TCP1: variants seen among roughly 807,000 people sequenced by gnomAD.
TCP1 encodes the protein t-complex 1.
Under a neutral mutation model 54.7 loss-of-function variants are expected in TCP1, and 6 were observed. The ratio of observed to expected loss-of-function variants is 0.11; its 90% CI spans 0.06 to 0.22. The LOEUF is 0.22. Among genes scored for constraint, TCP1 ranks in the 10% least tolerant of loss-of-function variants. The pLI, the probability that TCP1 is intolerant of heterozygous loss-of-function variation, is 1.00. For missense variants in TCP1, 511 were observed against 678.2 expected (o/e 0.75, Z 2.74); for synonymous variants, 225 against 229.7 (o/e 0.98, Z 0.19).
chr6:159,779,295 T>G, intron 11 of TCP1, 34 bp from the exon 12 acceptor site: 11 of 1,549,858 alleles, frequency 7.1e-6, no homozygotes, highest in South Asian at 1.1e-5. Flanking sequence ...AACGGCCGCT[T>G]ACAATTTCAT....
At position 159,779,734 on chromosome 6, in the gene TCP1, G is replaced by A. The variant is rs749170836; in HGVS notation, c.1347C>T (p.Pro449=). The change falls in exon 11 of 12, where the codon CCC becomes CCT. Residue 449 remains proline, a synonymous_variant. Transcript: ENST00000321394. ...GGGCAGCATTAACTGCTAGTGTATT[G>A]GGAATAACAAGAAGTGATCTTGCAA... The part of the protein sequence containing the change: ...AEFARSLLVI[P]NTLAVNAAQD... 1 of 1,612,250 alleles carries A rather than the reference G, an allele frequency of 6.2e-7. No individual in the cohort carries two copies. The highest frequency in any genetic ancestry group is 2.2e-5 in the East Asian group (1 of 44,874).
In TCP1 at chr6:159,779,279, T is replaced by C. The variant is rs1780512631; in HGVS notation, c.1455-18A>G. On this transcript the variant is annotated intron_variant, in intron 11 of 11. Coordinates refer to ENST00000321394, the MANE Select transcript of TCP1 (RefSeq NM_030752.3). Reference sequence around the variant, plus strand: ...GACCAATCCTGCAATTAAGAAAGAATTATTTAACGGCCGCTTACAATTTCA... The same window carrying C: ...GACCAATCCTGCAATTAAGAAAGAACTATTTAACGGCCGCTTACAATTTCA... 1 of 1,603,634 alleles carries C rather than the reference T, an allele frequency of 6.2e-7. No homozygotes were observed. The highest frequency in any genetic ancestry group is 2.2e-5 in the East Asian group (1 of 44,794).
In TCP1 at chr6:159,778,574, T is replaced by G; in HGVS notation, c.*471A>C. ...TGAGTTTGAAAGGGTAGCATGCTGATACATTAAGAGGAAAAAGACAAGTTT... is the reference window on the plus strand; with the variant it reads ...TGAGTTTGAAAGGGTAGCATGCTGAGACATTAAGAGGAAAAAGACAAGTTT... On this transcript the variant is annotated 3_prime_UTR_variant, in exon 12 of 12. Coordinates refer to ENST00000321394, the MANE Select transcript of TCP1 (RefSeq NM_030752.3). 7.0e-7 allele frequency: 1 copy of G among 1,438,084 alleles called. No homozygotes were observed. Among genetic ancestry groups the G allele is most frequent in the Non-Finnish European group, 9.6e-7 (1 of 1,047,102 alleles). 89.1% of individuals were successfully genotyped at this position (1,438,084 alleles called of 1,614,324 possible). A position where few individuals can be genotyped will look rare whatever the true frequency, so the allele number is the denominator to read the frequency against.
chr6:159,780,285 T>A, intron 9 of TCP1, 158 bp downstream of exon 9: 1 of 1,265,532 alleles, frequency 7.9e-7, no homozygotes, highest in Non-Finnish European at 1.1e-6. Flanking sequence ...TGAAAATGGT[T>A]ACTTCATCTC....
intron 7 of TCP1, among the ~76,000 whole-genome samples, chr6:159,782,208 A>G (rs1010513669): frequency 1.4e-4 from 22 of 152,362 alleles, no homozygotes; most frequent in Admixed American, 5.2e-4. Context: ...TGGGAGATCC[A>G]GATTTGAAGA....
In TCP1 at chr6:159,779,140, G is replaced by T. The variant is rs1173307221; in HGVS notation, c.1576C>A (p.Arg526=). The T allele has an allele frequency of 6.2e-7, 1 of 1,613,574 alleles. No homozygotes were observed. Among genetic ancestry groups the T allele is most frequent in the African/African-American group, 1.3e-5 (1 of 74,884 alleles). The change falls in exon 12 of 12, where the codon CGA becomes AGA. Residue 526 remains arginine, a synonymous_variant. Coordinates refer to ENST00000321394, the MANE Select transcript of TCP1 (RefSeq NM_030752.3). ...TGTAATTTAATAAGATCATCAATTC[G>T]AAGAATGGTGATTGCAGCTTCTGTT... ...FATEAAITIL[R]IDDLIKLHPE...
At chr6:159,780,837 T>G (rs1780558863) in intron 8 of TCP1, 98 bp downstream of exon 8, 1 of 1,404,520 alleles carries the variant, frequency 7.1e-7, no homozygotes, top group Non-Finnish European at 9.6e-7. Flanking sequence ...ATATAAATGT[T>G]TTTGAGCTGT....
In TCP1 at chr6:159,789,429, C is replaced by G; in HGVS notation, c.40G>C (p.Gly14Arg). The change falls in exon 1 of 12, where the codon GGG (glycine) becomes CGG (arginine). Residue 14 changes from glycine to arginine, a missense_variant. Around this residue, in one of 5 missense-constraint regions of TCP1, gnomAD observed 35 missense variants for 32.7 expected, o/e 1.07. Coordinates refer to ENST00000321394, the MANE Select transcript of TCP1 (RefSeq NM_030752.3). The part of the protein sequence containing the change: ...PLSVFGDRST[G>R]ETIRSQNVMA... The stretch of plus-strand genomic sequence containing the variant: ...CCGTTTTGGGAGCGGATCGTTTCCC[C>G]AGTGCTGCGGTCACCGAACACGGAC... The G allele has an allele frequency of 6.2e-7, 1 of 1,613,904 alleles. No homozygotes were observed. Among genetic ancestry groups the G allele is most frequent in the Non-Finnish European group, 8.5e-7 (1 of 1,179,872 alleles).
Position 159,778,695 on chromosome 6 carries a change from C to T in TCP1, c.*350G>A. ...AGGAGGGGCTATAGCCTTGGGCCACCCTCTTGGAGCATCTGGCTGTCGAAT... is the reference window on the plus strand; with the variant it reads ...AGGAGGGGCTATAGCCTTGGGCCACTCTCTTGGAGCATCTGGCTGTCGAAT... On this transcript the variant is annotated 3_prime_UTR_variant, in exon 12 of 12. Coordinates refer to ENST00000321394, the MANE Select transcript of TCP1 (RefSeq NM_030752.3). 1 of 1,614,210 alleles carries T rather than the reference C, an allele frequency of 6.2e-7. No individual in the cohort carries two copies. The highest frequency in any genetic ancestry group is 8.5e-7 in the Non-Finnish European group (1 of 1,180,038).
At chr6:159,779,415 G>C (rs868171219) in intron 11 of TCP1, among the ~76,000 whole-genome samples, 154 bp from the exon 12 acceptor site, 1 of 152,164 alleles carries the variant, frequency 6.6e-6, no homozygotes, top group African/African-American at 2.4e-5. Flanking sequence ...GGAGAGATTA[G>C]CAATCACAGT....
At chr6:159,783,230 T>C (rs1038888664) in intron 7 of TCP1, among the ~76,000 whole-genome samples, 1 of 152,100 alleles carries the variant, frequency 6.6e-6, no homozygotes, top group African/African-American at 2.4e-5. Flanking sequence ...ACACTTACTG[T>C]AGAGGGACTG....
intron 3 of TCP1, 103 bp downstream of exon 3, chr6:159,787,640 G>T (rs1780730460): frequency 7.1e-7 from 1 of 1,398,844 alleles, no homozygotes; most frequent in Non-Finnish European, 9.7e-7. Context: ...TTCAGAATAT[G>T]TAACTTATTT....
At chr6:159,785,028 A>G (rs1780660118) in intron 5 of TCP1, 181 bp from the exon 6 acceptor site, 3 of 669,796 alleles carry the variant, frequency 4.5e-6, no homozygotes, top group Non-Finnish European at 5.2e-6. Context: ...ACTTTTAGAC[A>G]TGCTTTTTAT....
chr6:159,778,905 G>A lies in TCP1; in HGVS notation c.*140C>T, dbSNP rs1338877782. 3.1e-6 allele frequency: 5 copies of A among 1,594,026 alleles called. No individual in the cohort carries two copies. The Admixed American group carries it at 6.8e-5, about 22-fold the overall frequency. ...TAGGTTGCAATATGTGAAATCAGAG[G>A]ACCAAAGTACAGATGGAAACCATTT... On this transcript the variant is annotated 3_prime_UTR_variant, in exon 12 of 12. Coordinates refer to ENST00000321394, the MANE Select transcript of TCP1 (RefSeq NM_030752.3).
intron 3 of TCP1, among the ~76,000 whole-genome samples, chr6:159,787,371 G>C (rs1780724569): frequency 6.6e-6 from 1 of 152,116 alleles, no homozygotes; most frequent in Non-Finnish European, 1.5e-5. Flanking sequence ...CAAGACTTTT[G>C]AGAGACCATA....
chr6:159,782,789 G>C (rs1367136105), intron 7 of TCP1, among the ~76,000 whole-genome samples: 1 of 152,148 alleles, frequency 6.6e-6, no homozygotes. Flanking sequence ...GAAGTCATGG[G>C]AACAAAGGGG....
chr6:159,785,551 T>C (rs753236346), intron 4 of TCP1, 55 bp from the exon 5 acceptor site: 13 of 1,342,898 alleles, frequency 9.7e-6, no homozygotes, highest in Non-Finnish European at 1.3e-5. Context: ...TCAAACTCTT[T>C]GCATTCATCA....
chr6:159,784,164 T>G (rs2114994240), intron 6 of TCP1, 97 bp from the exon 7 acceptor site: 1 of 1,404,390 alleles, frequency 7.1e-7, no homozygotes, highest in Non-Finnish European at 9.4e-7. Flanking sequence ...AAATTTAGAC[T>G]AATTCATTGC....
At chr6:159,785,648 T>C in intron 4 of TCP1, 152 bp from the exon 5 acceptor site, 1 of 808,752 alleles carries the variant, frequency 1.2e-6, no homozygotes, top group Non-Finnish European at 2.2e-6. Context: ...ACCCTCCCTC[T>C]TCAGATCATG....
Sources: allele counts gnomAD v4.1 joint callset (sites outside exome capture counted in the v4.1 genomes callset), GRCh38; gene constraint gnomAD v4.1.1; regional missense constraint gnomAD v4.1.1; transcripts MANE v1.5; gene names NCBI Gene and HGNC (gene_info 2026-07-23, HGNC 2026-07-21).